ELP1: variants seen among roughly 807,000 people sequenced by gnomAD.
ELP1 encodes the protein elongator acetyltransferase complex subunit 1.
In ELP1, 131 loss-of-function variants were observed where a neutral mutation model predicts 183.2. That is an observed-to-expected ratio of 0.72 (90% CI 0.62 to 0.83). The LOEUF is 0.83. Ranked by LOEUF, ELP1 falls within the 40% of genes least tolerant of loss-of-function variation. The pLI, the probability that ELP1 is intolerant of heterozygous loss-of-function variation, is 0.00. For synonymous variants in ELP1, 555 were observed against 569.0 expected (o/e 0.98, Z 0.35); for missense variants, 1,550 against 1,594.9 (o/e 0.97, Z 0.48).
chr9:108,882,165 A>C lies in ELP1; in HGVS notation c.3245T>G (p.Leu1082Trp), dbSNP rs1827954297. Reference protein sequence around the residue: ...CAQDYEEAVLLLLEGAAWEEA... With the variant: ...CAQDYEEAVLWLLEGAAWEEA... ...TTCCCAGGCAGCTCCTTCTAACAGC[A>C]AGAGCACAGCTTCTTCATAATCCTG... The change falls in exon 30 of 37, where the codon TTG becomes TGG. Residue 1082 changes from leucine to tryptophan, a missense_variant. Coordinates refer to ENST00000374647, the MANE Select transcript of ELP1 (RefSeq NM_003640.5). 1 of 1,613,548 alleles carries C rather than the reference A, an allele frequency of 6.2e-7. No individual in the cohort carries two copies. Among genetic ancestry groups the C allele is most frequent in the Non-Finnish European group, 8.5e-7 (1 of 1,179,884 alleles).
rs1829556476 is a variant in ELP1 at position 108,919,240 on chromosome 9, T to A, written c.649+13A>T. ...ATTTTTTATTGTTGTTTAACTGCAATATATTTCCATACCTGTTTCTGGGCA... is the reference window on the plus strand; with the variant it reads ...ATTTTTTATTGTTGTTTAACTGCAAAATATTTCCATACCTGTTTCTGGGCA... On this transcript the variant is annotated intron_variant, in intron 7 of 36. Coordinates refer to ENST00000374647, the MANE Select transcript of ELP1 (RefSeq NM_003640.5). 3 of 1,582,610 alleles carry A rather than the reference T, an allele frequency of 1.9e-6. No homozygotes were observed. Among genetic ancestry groups the A allele is most frequent in the Non-Finnish European group, 2.6e-6 (3 of 1,151,814 alleles).
chr9:108,898,585 C>G lies in ELP1; in HGVS notation c.2284-4G>C, dbSNP rs1240982391. On this transcript the variant is annotated splice_region_variant and splice_polypyrimidine_tract_variant and intron_variant, in intron 21 of 36. Transcript: ENST00000374647. ...TTTCCACATTTCCAAGAAACACCTACCAAAAAAAGGACAAAACATCTTCGT... is the reference window on the plus strand; with the variant it reads ...TTTCCACATTTCCAAGAAACACCTAGCAAAAAAAGGACAAAACATCTTCGT... 2.5e-6 allele frequency: 4 copies of G among 1,607,904 alleles called. No individual in the cohort carries two copies. The highest frequency in any genetic ancestry group is 2.6e-6 in the Non-Finnish European group (3 of 1,175,004).
intron 2 of ELP1, among the ~76,000 whole-genome samples, 198 bp from the exon 3 acceptor site, chr9:108,930,119 C>T (rs1829950703): frequency 6.6e-6 from 1 of 152,150 alleles, no homozygotes; most frequent in African/African-American, 2.4e-5. Context: ...GGTAATGTGA[C>T]CTTTTTGCCA....
At position 108,932,202 on chromosome 9, in the gene ELP1, TTATATAA is replaced by T. The variant is rs537929785; in HGVS notation, c.-55-1008_-55-1002del. Among the ~76,000 whole-genome samples the T allele has an allele frequency of 8.8e-4, 134 of 152,292 alleles. 1 individual carries two copies. The highest frequency in any genetic ancestry group is 7.9e-3 in the South Asian group (38 of 4,830). ...AAGATAATGTCAAGTGTCATAGGAA[TTATATAA>T]TATATAATGTGGGATAAGAGAAAGG... On this transcript the variant is annotated intron_variant, in intron 1 of 36. Transcript: ENST00000374647.
In ELP1 at chr9:108,889,335, G is replaced by A; in HGVS notation, c.3219C>T (p.Ala1073=). The change falls in exon 29 of 37, where the codon GCC becomes GCT. Residue 1073 remains alanine (A), a synonymous_variant. Transcript: ENST00000374647. ...AGAAGGGAGGAATTGAGTTTACCTG[G>A]GCACACTCTTCCAAAACCATGGCCG... ...IDAAMVLEEC[A]QDYEEAVLLL... is the part of the protein sequence containing the mutation. The A allele has an allele frequency of 6.2e-7, 1 of 1,613,860 alleles. No homozygotes were observed. Among genetic ancestry groups the A allele is most frequent in the Non-Finnish European group, 8.5e-7 (1 of 1,179,820 alleles).
chr9:108,873,294 G>C (rs549917368), intron 36 of ELP1, among the ~76,000 whole-genome samples: 2 of 152,314 alleles, frequency 1.3e-5, no homozygotes, highest in East Asian at 3.9e-4. Flanking sequence ...GACCCATCAA[G>C]TCATTGATTT....
At position 108,868,159 on chromosome 9, in the gene ELP1, G is replaced by C. The variant is rs1044117179; in HGVS notation, c.*956C>G. ...TGGGCTAAGATACACAGTAAGAAAG[G>C]TCTGGTTCTGATATTTAAAACATGG... On this transcript the variant is annotated 3_prime_UTR_variant, in exon 37 of 37. Transcript: ENST00000374647. 1.3e-5 allele frequency: 2 copies of C among 152,202 alleles called. No individual in the cohort carries two copies. Among genetic ancestry groups the C allele is most frequent in the African/African-American group, 4.8e-5 (2 of 41,438 alleles). The allele number at this position is 152,202 out of a possible 1,614,324, so 9.4% of individuals were successfully genotyped here.
intron 14 of ELP1, 96 bp downstream of exon 14, chr9:108,906,207 C>T: frequency 4.1e-6 from 5 of 1,209,974 alleles, no homozygotes; most frequent in South Asian, 2.5e-5. Context: ...TGCTCCTCAA[C>T]CTTGATCAAT....
intron 6 of ELP1, among the ~76,000 whole-genome samples, chr9:108,920,843 C>G (rs1587918494): frequency 6.6e-6 from 1 of 152,028 alleles, no homozygotes; most frequent in African/African-American, 2.4e-5. Context: ...CATTAGATAA[C>G]AGGATGCTCG....
rs146875913 is a variant in ELP1, at chr9:108,919,314, T to C, written c.588A>G (p.Pro196=). The C allele has an allele frequency of 1.2e-6, 2 of 1,613,898 alleles. No homozygotes were observed. The highest frequency in any genetic ancestry group is 2.7e-5 in the African/African-American group (2 of 75,016). The change falls in exon 7 of 37, where the codon CCA becomes CCG. Residue 196 remains proline (P), a synonymous_variant. Coordinates refer to ENST00000374647, the MANE Select transcript of ELP1 (RefSeq NM_003640.5). ...ESALPWDDHR[P]QVTWRGDGQF... ...GTCCATCCCCCCGCCAGGTAACTTG[T>C]GGTCTATGGTCATCCCAGGGCAAAG...
intron 32 of ELP1, 50 bp from the exon 33 acceptor site, chr9:108,879,607 G>C: frequency 1.5e-6 from 2 of 1,345,530 alleles, no homozygotes; most frequent in Non-Finnish European, 2.1e-6. Flanking sequence ...GCTAATGTGT[G>C]GGTTTACTTT....
At position 108,918,875 on chromosome 9, in the gene ELP1, G is replaced by C; in HGVS notation, c.676C>G (p.Arg226Gly). The C allele has an allele frequency of 6.2e-7, 1 of 1,614,094 alleles. No individual in the cohort carries two copies. The highest frequency in any genetic ancestry group is 8.5e-7 in the Non-Finnish European group (1 of 1,179,988). ...TGARKVRVWN[R>G]EFALQSTSEP... is the part of the protein sequence containing the mutation. ...CTGGTTGACTGCAAAGCAAACTCTCGGTTCCACACTCTGACCTTCCGAGCC... is the reference window on the plus strand; with the variant it reads ...CTGGTTGACTGCAAAGCAAACTCTCCGTTCCACACTCTGACCTTCCGAGCC... Residue 226 changes from arginine (R) to glycine (G), a missense_variant, in exon 8 of 37, where the codon CGA (arginine) becomes GGA (glycine). By Grantham distance (125) the Arg-to-Gly change is moderately radical. Coordinates refer to ENST00000374647, the MANE Select transcript of ELP1 (RefSeq NM_003640.5).
At chr9:108,898,406 A>C in intron 22 of ELP1, 96 bp downstream of exon 22, 2 of 816,536 alleles carry the variant, frequency 2.4e-6, no homozygotes, top group South Asian at 3.3e-5. Context: ...ATGAACAGTA[A>C]GGAATTTTTC....
At position 108,897,050 on chromosome 9, in the gene ELP1, A is replaced by G; in HGVS notation, c.2502-12T>C. On this transcript the variant is annotated splice_polypyrimidine_tract_variant and intron_variant, in intron 23 of 36. Coordinates refer to ENST00000374647, the MANE Select transcript of ELP1 (RefSeq NM_003640.5). ...TGGATAGGCAGTATCTGAGGTAATA[A>G]GTGAAGAACACCAGAATGAGAAAGG... 1 of 1,613,722 alleles carries G rather than the reference A, an allele frequency of 6.2e-7. No individual in the cohort carries two copies.
At chr9:108,890,172 CAGA>C (rs1231395212) in intron 28 of ELP1, among the ~76,000 whole-genome samples, 2 of 152,032 alleles carry the variant, frequency 1.3e-5, no homozygotes, top group Non-Finnish European at 2.9e-5. Context: ...ATTTCTAAAG[CAGA>C]AAGGAACAAT....
In ELP1 at chr9:108,911,074, G is replaced by T; in HGVS notation, c.1296C>A (p.His432Gln). ...HPVNQVTFLA[H>Q]PQKSNDLAVL... ...CAGCAAGGTCATTACTCTTTTGAGG[G>T]TGTGCTAAGAATGTGACTTGATTCA... Residue 432 changes from histidine to glutamine, a missense_variant, in exon 12 of 37, where the codon CAC becomes CAA. His to Gln is a conservative substitution (Grantham distance 24). Transcript: ENST00000374647. 6.2e-7 allele frequency: 1 copy of T among 1,614,092 alleles called. No individual in the cohort carries two copies. Among genetic ancestry groups the T allele is most frequent in the Non-Finnish European group, 8.5e-7 (1 of 1,179,950 alleles).
At chr9:108,893,841 A>T in intron 26 of ELP1, 102 bp downstream of exon 26, 2 of 1,224,942 alleles carry the variant, frequency 1.6e-6, no homozygotes, top group Non-Finnish European at 2.4e-6. Context: ...CAGGAGTGGG[A>T]AGTGAAATCA....
At position 108,912,436 on chromosome 9, in the gene ELP1, G is replaced by C. The variant is rs56053149; in HGVS notation, c.1017C>G (p.Ser339Arg). The C allele has an allele frequency of 8.1e-6, 13 of 1,613,984 alleles. No homozygotes were observed. Among genetic ancestry groups the C allele is most frequent in the Non-Finnish European group, 1.1e-5 (13 of 1,180,010 alleles). Residue 339 changes from serine to arginine, a missense_variant, in exon 11 of 37, where the codon AGC becomes AGG. By Grantham distance (110) the Ser-to-Arg change is moderately radical. Transcript: ENST00000374647. ...HWYLKQSLSFSTCGKSKIVSL... is the reference protein window; with the variant it reads ...HWYLKQSLSFRTCGKSKIVSL... ...ACACAATCTTGCTCTTCCCACAGGTGCTGAAGGATAAACTTTGCTTGAGAT... is the reference window on the plus strand; with the variant it reads ...ACACAATCTTGCTCTTCCCACAGGTCCTGAAGGATAAACTTTGCTTGAGAT...
chr9:108,884,043 C>T (rs983899749), intron 29 of ELP1, among the ~76,000 whole-genome samples: 3 of 149,438 alleles, frequency 2.0e-5, no homozygotes. Context: ...AAGGAACGCA[C>T]TTTCAAAATA....
Sources: gnomAD v4.1 joint callset for allele counts (sites outside exome capture counted in the v4.1 genomes callset) on GRCh38, gnomAD v4.1.1 for gene constraint, MANE v1.5 for transcripts, NCBI Gene and HGNC (gene_info 2026-07-23, HGNC 2026-07-21) for gene names.